PDE10A: variants seen among roughly 807,000 people sequenced by gnomAD.
PDE10A encodes the protein cAMP and cAMP-inhibited cGMP 3',5'-cyclic phosphodiesterase 10A.
Under a neutral mutation model 97.7 loss-of-function variants are expected in PDE10A, and 39 were observed. The ratio of observed to expected loss-of-function variants is 0.40; its 90% CI spans 0.31 to 0.52. PDE10A has a LOEUF of 0.52. Ranked by LOEUF, PDE10A falls within the 20% of genes least tolerant of loss-of-function variation. The pLI is 0.56. For synonymous variants in PDE10A, 371 were observed against 376.8 expected (o/e 0.98, Z 0.18); for missense variants, 731 against 1,047.8 (o/e 0.70, Z 4.17).
intron 3 of PDE10A, among the ~76,000 whole-genome samples, chr6:165,459,534 CA>C (rs1778185958): frequency 1.0e-5 from 1 of 99,930 alleles, no homozygotes; most frequent in Non-Finnish European, 1.9e-5. Context: ...GACAGACAGA[CA>C]GACAGACAGA....
At chr6:165,458,143 A>C (rs894865293) in intron 3 of PDE10A, among the ~76,000 whole-genome samples, 3 of 152,150 alleles carry the variant, frequency 2.0e-5, no homozygotes, top group Non-Finnish European at 4.4e-5. Flanking sequence ...GTTCCTTTTT[A>C]TATTGTTTAT....
chr6:165,352,787 G>T (rs1048158184), intron 18 of PDE10A, among the ~76,000 whole-genome samples: 1 of 152,034 alleles, frequency 6.6e-6, no homozygotes, highest in Non-Finnish European at 1.5e-5. Flanking sequence ...AGTTCATCCA[G>T]AATTTGGTGA....
At chr6:165,492,501 T>A (rs974960787) in intron 2 of PDE10A, among the ~76,000 whole-genome samples, 7 of 152,184 alleles carry the variant, frequency 4.6e-5, no homozygotes, top group Non-Finnish European at 7.4e-5. Context: ...TAATCCTCCA[T>A]GATCAAGTGG....
At chr6:165,849,421 C>A (rs146601110) in intron 1 of PDE10A, among the ~76,000 whole-genome samples, 1 of 152,200 alleles carries the variant, frequency 6.6e-6, no homozygotes, top group Non-Finnish European at 1.5e-5. Context: ...ATGTCTAAGA[C>A]GGCCAGGCAA....
At chr6:165,527,401 T>C (rs992317645) in intron 2 of PDE10A, among the ~76,000 whole-genome samples, 1 of 152,192 alleles carries the variant, frequency 6.6e-6, no homozygotes, top group African/African-American at 2.4e-5. Flanking sequence ...CCAATGGTGC[T>C]TGAGGTGTCA....
At chr6:165,732,166 A>T (rs1792454238) in intron 1 of PDE10A, among the ~76,000 whole-genome samples, 1 of 152,222 alleles carries the variant, frequency 6.6e-6, no homozygotes, top group Non-Finnish European at 1.5e-5. Flanking sequence ...TGGCTTTCTT[A>T]CGAGAACTAC....
chr6:165,983,669 C>T lies in PDE10A; in HGVS notation c.-615+3860G>A, dbSNP rs74591552. On this transcript the variant is annotated intron_variant, in intron 1 of 19. Transcript: ENST00000366882. ...ACATAAACCTTCCAAGTTGTTGGCA[C>T]TTAAAAGATGACCCCTCTGATGTTC... Among the ~76,000 whole-genome samples, 1,166 of 152,304 alleles carry T rather than the reference C, an allele frequency of 7.7e-3. 14 individuals carry two copies. Among genetic ancestry groups the T allele is most frequent in the African/African-American group, 0.027 (1,120 of 41,558 alleles).
chr6:165,656,256 TCTCACACACA>T (rs143770531), intron 1 of PDE10A, among the ~76,000 whole-genome samples: 143 of 106,770 alleles, frequency 1.3e-3, no homozygotes, highest in South Asian at 4.8e-3. Context: ...TCTCTCTCTC[TCTCACACACA>T]CACACACACA....
chr6:165,826,304 TCA>T (rs1198893803), intron 1 of PDE10A, among the ~76,000 whole-genome samples: 2 of 62,242 alleles, frequency 3.2e-5, no homozygotes, highest in Non-Finnish European at 6.0e-5. Flanking sequence ...ATGTCCGTCT[TCA>T]TGTCCCTCTG....
At chr6:165,724,539 T>C (rs1582996241) in intron 1 of PDE10A, among the ~76,000 whole-genome samples, 1 of 152,236 alleles carries the variant, frequency 6.6e-6, no homozygotes, top group Admixed American at 6.5e-5. Flanking sequence ...CCTTTTGATA[T>C]CCTCGTGGGC....
intron 20 of PDE10A, among the ~76,000 whole-genome samples, chr6:165,337,648 T>TA (rs1781730505): frequency 6.6e-6 from 1 of 152,216 alleles, no homozygotes; most frequent in South Asian, 2.1e-4. Flanking sequence ...ATATGGTTGG[T>TA]AAAATATGAA....
chr6:165,712,388 G>C (rs1198038719), intron 1 of PDE10A, among the ~76,000 whole-genome samples: 2 of 152,132 alleles, frequency 1.3e-5, no homozygotes, highest in Non-Finnish European at 2.9e-5. Context: ...TGTGGGGCTC[G>C]TCTGAGACTT....
intron 1 of PDE10A, among the ~76,000 whole-genome samples, chr6:165,860,849 G>GA (rs1003544024): frequency 6.6e-6 from 1 of 152,170 alleles, no homozygotes; most frequent in Non-Finnish European, 1.5e-5. Flanking sequence ...GCACACAGAG[G>GA]ACCTGAAGGG....
At chr6:165,669,193 A>G (rs1241127295) in intron 1 of PDE10A, among the ~76,000 whole-genome samples, 3 of 152,222 alleles carry the variant, frequency 2.0e-5, no homozygotes, top group Non-Finnish European at 4.4e-5. Flanking sequence ...ACAGAAGCCA[A>G]AAGATGAGCG....
chr6:165,724,353 A>T (rs1365143676), intron 1 of PDE10A, among the ~76,000 whole-genome samples: 2 of 152,114 alleles, frequency 1.3e-5, no homozygotes, highest in Non-Finnish European at 2.9e-5. Flanking sequence ...AGGATCACAG[A>T]TGTGAACGCG....
At chr6:165,879,556 A>G (rs1781422971) in intron 1 of PDE10A, among the ~76,000 whole-genome samples, 1 of 152,180 alleles carries the variant, frequency 6.6e-6, no homozygotes, top group Admixed American at 6.5e-5. Flanking sequence ...CCCTACAGCC[A>G]TCCCTTGCTA....
rs185467700 is a variant in PDE10A, at chr6:165,692,034, A to T, written c.-614-148466T>A. 3.6e-4 allele frequency among the ~76,000 whole-genome samples: 55 copies of T among 152,246 alleles called. 2 individuals carry two copies. The East Asian group carries it at 7.2e-3, about 20-fold the overall frequency. ...TGAATCATCTCTTGAGTAGGCCCCTATCTCTTTGTCATTTTAAGTTAAAAC... is the reference window on the plus strand; with the variant it reads ...TGAATCATCTCTTGAGTAGGCCCCTTTCTCTTTGTCATTTTAAGTTAAAAC... On this transcript the variant is annotated intron_variant, in intron 1 of 19. Coordinates refer to the PDE10A transcript ENST00000366882.
chr6:165,363,048 CAGAATT>C (rs2128194192), intron 18 of PDE10A, among the ~76,000 whole-genome samples: 1 of 152,204 alleles, frequency 6.6e-6, no homozygotes, highest in East Asian at 1.9e-4. Context: ...CTCAACAAAT[CAGAATT>C]AGAAGGAAAC....
intron 1 of PDE10A, among the ~76,000 whole-genome samples, chr6:165,544,080 T>G (rs73786630): frequency 0.045 from 6,827 of 152,238 alleles, 187 homozygotes; most frequent in Middle Eastern, 0.062. Context: ...GATTTAGTGG[T>G]CAAAGCAAGT....
Sources: gnomAD v4.1 joint callset for allele counts (sites outside exome capture counted in the v4.1 genomes callset) on GRCh38, gnomAD v4.1.1 for gene constraint, MANE v1.5 for transcripts, NCBI Gene and HGNC (gene_info 2026-07-23, HGNC 2026-07-21) for gene names.